Variants in AADAT observed in about 807,000 individuals in gnomAD.
AADAT encodes the protein aminoadipate aminotransferase.
In AADAT, 25 loss-of-function variants were observed where a neutral mutation model predicts 56.2. The ratio of observed to expected loss-of-function variants is 0.44; its 90% CI spans 0.32 to 0.62. The LOEUF (loss-of-function observed/expected upper bound fraction) is 0.62. Ranked by LOEUF, AADAT falls within the 20% of genes least tolerant of loss-of-function variation. The probability of loss-of-function intolerance (pLI) is 0.04; values close to 1 mark genes in which losing one functional copy is unlikely to be tolerated. For synonymous variants in AADAT, 173 were observed against 164.7 expected (o/e 1.05, Z -0.39); for missense variants, 387 against 510.5 (o/e 0.76, Z 2.33).
chr4:170,061,645 T>A (rs1178619285), intron 12 of AADAT, among the ~76,000 whole-genome samples: 1 of 152,216 alleles, frequency 6.6e-6, no homozygotes, highest in Admixed American at 6.5e-5. Context: ...TTTACGCAGC[T>A]CAGTAGGTTG....
chr4:170,082,138 G>T (rs1349066306), intron 3 of AADAT, among the ~76,000 whole-genome samples: 2 of 152,150 alleles, frequency 1.3e-5, no homozygotes, highest in Admixed American at 1.3e-4. Flanking sequence ...TGTAATTATG[G>T]TGTGCAATCC....
At chr4:170,073,721 G>A (rs554125281) in intron 4 of AADAT, among the ~76,000 whole-genome samples, 52 of 152,166 alleles carry the variant, frequency 3.4e-4, no homozygotes, top group Non-Finnish European at 6.5e-4. Context: ...GGATGGTCTG[G>A]ATCTCCTGAC....
intron 4 of AADAT, among the ~76,000 whole-genome samples, chr4:170,075,004 G>A (rs1731965685): frequency 6.6e-6 from 1 of 152,150 alleles, no homozygotes; most frequent in South Asian, 2.1e-4. Flanking sequence ...TCCTCCTTAT[G>A]ACAAATTTAA....
chr4:170,061,086 G>T, intron 12 of AADAT, 117 bp from the exon 13 acceptor site: 1 of 648,488 alleles, frequency 1.5e-6, no homozygotes, highest in Non-Finnish European at 2.4e-6. Flanking sequence ...AGAAGGCATT[G>T]AAAAGTCAAG....
intron 5 of AADAT, among the ~76,000 whole-genome samples, chr4:170,072,604 AAG>A (rs1731829686): frequency 6.6e-6 from 1 of 152,230 alleles, no homozygotes; most frequent in Admixed American, 6.5e-5. Context: ...GGTACATAAA[AAG>A]AGACTTTCCA....
chr4:170,081,673 A>G (rs1380545203), intron 3 of AADAT, among the ~76,000 whole-genome samples: 1 of 152,200 alleles, frequency 6.6e-6, no homozygotes, highest in Non-Finnish European at 1.5e-5. Context: ...GTGCCCAAAG[A>G]AAAAAGCTGC....
intron 3 of AADAT, among the ~76,000 whole-genome samples, chr4:170,079,332 AG>A (rs1023262434): frequency 6.6e-6 from 1 of 152,228 alleles, no homozygotes; most frequent in Non-Finnish European, 1.5e-5. Context: ...ATCAGACAGA[AG>A]TGGGCAGAGA....
chr4:170,093,251 A>G (rs1017597851), upstream of AADAT, among the ~76,000 whole-genome samples: 2 of 152,274 alleles, frequency 1.3e-5, no homozygotes, highest in Non-Finnish European at 2.9e-5. Context: ...CATCATGGCA[A>G]AACCCCATCT....
chr4:170,082,522 G>A (rs1349532082), intron 3 of AADAT, among the ~76,000 whole-genome samples: 2 of 152,112 alleles, frequency 1.3e-5, no homozygotes, highest in African/African-American at 4.8e-5. Flanking sequence ...GAAAAGAAGA[G>A]AGGAGTCTCA....
chr4:170,067,168 C>T (rs1255621702), intron 9 of AADAT, among the ~76,000 whole-genome samples, 159 bp downstream of exon 9: 1 of 152,200 alleles, frequency 6.6e-6, no homozygotes, highest in Admixed American at 6.5e-5. Flanking sequence ...GAAGAACTAA[C>T]AAAATGAATA....
intron 12 of AADAT, among the ~76,000 whole-genome samples, chr4:170,061,662 A>G (rs905495873): frequency 1.3e-5 from 2 of 152,226 alleles, no homozygotes; most frequent in African/African-American, 4.8e-5. Context: ...GTTGTGATAC[A>G]TTATTCATGC....
chr4:170,066,413 C>T lies in AADAT; in HGVS notation c.1027+1G>A. ...TGAGGACGAATATACGTTCCACTCA[C>T]CAGTTAACCACTTGTCTGCAGCTGC... On this transcript the variant is annotated splice_donor_variant, in intron 10 of 12. Coordinates refer to ENST00000337664, the MANE Select transcript of AADAT (RefSeq NM_016228.4). LOFTEE classifies it high-confidence loss of function. 1 of 1,613,344 alleles carries T rather than the reference C, an allele frequency of 6.2e-7. No individual in the cohort carries two copies. The highest frequency in any genetic ancestry group is 8.5e-7 in the Non-Finnish European group (1 of 1,179,462).
intron 1 of AADAT, 67 bp from the exon 2 acceptor site, chr4:170,088,631 G>A (rs1732680673): frequency 1.4e-6 from 2 of 1,470,550 alleles, no homozygotes; most frequent in African/African-American, 1.4e-5. Context: ...AGTTAAGCAT[G>A]CATTATAGTC....
Position 170,089,257 on chromosome 4 carries a change from T to C in AADAT, c.67+367A>G. The C allele has an allele frequency of 6.4e-6, 3 of 470,024 alleles. 1 individual carries two copies. Among genetic ancestry groups the C allele is most frequent in the South Asian group, 5.1e-5 (3 of 58,924 alleles). 29.1% of individuals were successfully genotyped at this position (470,024 alleles called of 1,614,324 possible). A position where few individuals can be genotyped will look rare whatever the true frequency, so the allele number is the denominator to read the frequency against. ...GCTTCATGGCCCACCCCTCTCCCAT[T>C]TACCTGGCCCTCTCCACTGTACACC... On this transcript the variant is annotated intron_variant, in intron 1 of 12. Transcript: ENST00000337664.
rs544490658 is a variant in AADAT, at chr4:170,076,680, G to T, written c.444+1829C>A. Among the ~76,000 whole-genome samples the T allele has an allele frequency of 9.4e-4, 143 of 152,004 alleles. 2 individuals are homozygous for T. The highest frequency in any genetic ancestry group is 4.0e-4 in the Non-Finnish European group (27 of 67,950). Reference sequence around the variant, plus strand: ...CCACTGTATAGACTCTTTTTTCACTGTTTTCATAATGTCCTTTGATACACA... The same window carrying T: ...CCACTGTATAGACTCTTTTTTCACTTTTTTCATAATGTCCTTTGATACACA... On this transcript the variant is annotated intron_variant, in intron 4 of 12. Transcript: ENST00000337664.
In AADAT at chr4:170,064,361, C is replaced by T. The variant is rs192500100; in HGVS notation, c.1134+358G>A. On this transcript the variant is annotated intron_variant, in intron 11 of 12. Coordinates refer to ENST00000337664, the MANE Select transcript of AADAT (RefSeq NM_016228.4). ...CCCTATGAGAGAGGGATTCTTATTACCTCTGTTTTACAGACAAAGCACAGA... is the reference window on the plus strand; with the variant it reads ...CCCTATGAGAGAGGGATTCTTATTATCTCTGTTTTACAGACAAAGCACAGA... Among the ~76,000 whole-genome samples, 641 of 152,312 alleles carry T rather than the reference C, an allele frequency of 4.2e-3. 4 individuals carry two copies. The highest frequency in any genetic ancestry group is 0.034 in the South Asian group (163 of 4,822).
intron 10 of AADAT, among the ~76,000 whole-genome samples, chr4:170,065,505 TTC>T (rs1026097592): frequency 5.9e-5 from 9 of 151,978 alleles, no homozygotes; most frequent in African/African-American, 1.7e-4. Flanking sequence ...AAGATACTAA[TTC>T]TGTTTTTTTT....
intron 1 of AADAT, among the ~76,000 whole-genome samples, chr4:170,089,110 C>T (rs1241161962): frequency 6.6e-6 from 1 of 152,168 alleles, no homozygotes; most frequent in East Asian, 1.9e-4. Flanking sequence ...TTTTTCTAGG[C>T]ACCTCACTTG....
At position 170,064,785 on chromosome 4, in the gene AADAT, T is replaced by TA; in HGVS notation, c.1067dup (p.Leu356PhefsTer4). On this transcript the variant is annotated frameshift_variant, in exon 11 of 13. Coordinates refer to ENST00000337664, the MANE Select transcript of AADAT (RefSeq NM_016228.4). LOFTEE classifies it high-confidence loss of function. ...CATTAATGCCTTTAACTTTAATCCATAAAAACATTCCAGCAGCAGGAACAT... is the reference window on the plus strand; with the variant it reads ...CATTAATGCCTTTAACTTTAATCCATAAAAAACATTCCAGCAGCAGGAACAT... 1 of 1,611,882 alleles carries TA rather than the reference T, an allele frequency of 6.2e-7. No individual in the cohort carries two copies. Among genetic ancestry groups the TA allele is most frequent in the Non-Finnish European group, 8.5e-7 (1 of 1,179,582 alleles).
Sources: gnomAD v4.1 joint callset for allele counts (sites outside exome capture counted in the v4.1 genomes callset) on GRCh38, gnomAD v4.1.1 for gene constraint, MANE v1.5 for transcripts, NCBI Gene and HGNC (gene_info 2026-07-23, HGNC 2026-07-21) for gene names.